Variants in MS4A4A observed in about 807,000 individuals in gnomAD.
MS4A4A encodes membrane spanning 4-domains A4A.
In MS4A4A, 26 loss-of-function variants were observed where a neutral mutation model predicts 28.0. The ratio of observed to expected loss-of-function variants is 0.93; its 90% CI spans 0.68 to 1.29. The LOEUF (loss-of-function observed/expected upper bound fraction) is 1.29, where lower values mean the gene tolerates loss of function less well. MS4A4A is among the 50% of genes most tolerant of loss of function. The probability of loss-of-function intolerance (pLI) is 0.00; values close to 1 mark genes in which losing one functional copy is unlikely to be tolerated. For synonymous variants in MS4A4A, 86 were observed against 100.8 expected, an observed-to-expected ratio of 0.85 and a Z score of 0.88; for missense variants, 290 against 293.1, an observed-to-expected ratio of 0.99 and a Z score of 0.08.
intron 5 of MS4A4A, among the ~76,000 whole-genome samples, chr11:60,303,429 AG>A (rs1389413487): frequency 6.6e-6 from 1 of 152,080 alleles, no homozygotes; most frequent in Non-Finnish European, 1.5e-5. Context: ...AAAGCCTGGC[AG>A]GGCGCAGTGG....
At chr11:60,306,424 C>A (rs527904772) in intron 6 of MS4A4A, among the ~76,000 whole-genome samples, 1 of 152,324 alleles carries the variant, frequency 6.6e-6, no homozygotes, top group African/African-American at 2.4e-5. Context: ...TTCTGATTCT[C>A]TTCCATACTA....
At chr11:60,291,892 A>G (rs887487748) in intron 1 of MS4A4A, among the ~76,000 whole-genome samples, 16 of 152,292 alleles carry the variant, frequency 1.1e-4, no homozygotes, top group African/African-American at 3.8e-4. Context: ...AGGGATAGAA[A>G]TAAAATCTGA....
chr11:60,298,427 A>G (rs1434013127), intron 3 of MS4A4A, among the ~76,000 whole-genome samples: 2 of 152,210 alleles, frequency 1.3e-5, no homozygotes, highest in African/African-American at 4.8e-5. Context: ...ATATCCAAAA[A>G]TACTGATGCC....
In MS4A4A at chr11:60,280,791, G is replaced by T. The variant is rs2084748892; in HGVS notation, c.41+75G>T. On this transcript the variant is annotated intron_variant, in intron 1 of 6. Transcript: ENST00000337908. ...CACTTCCTGGGTTAAGAATTTCTGG[G>T]AGGGGAATGAGAAGAATAATGAGGC... is the stretch of plus-strand genomic sequence containing the variant. 9.0e-6 allele frequency: 14 copies of T among 1,561,480 alleles called. No individual in the cohort carries two copies. In the South Asian group the frequency reaches 1.6e-4, roughly 18 times the overall value.
intron 1 of MS4A4A, among the ~76,000 whole-genome samples, chr11:60,291,411 A>T (rs2084854681): frequency 6.6e-6 from 1 of 152,184 alleles, no homozygotes; most frequent in Non-Finnish European, 1.5e-5. Context: ...AGCCCTGTGA[A>T]TTTAACTGTG....
chr11:60,295,017 T>A (rs897166121), intron 2 of MS4A4A, among the ~76,000 whole-genome samples: 9 of 151,844 alleles, frequency 5.9e-5, no homozygotes, highest in African/African-American at 2.2e-4. Flanking sequence ...TTTATCAATA[T>A]ATACAAAATA....
At position 60,292,340 on chromosome 11, in the gene MS4A4A, G is replaced by C. The variant is rs2084864872; in HGVS notation, c.157G>C (p.Gly53Arg). Residue 53 changes from glycine (G) to arginine (R), a missense_variant, in exon 2 of 7, where the codon GGA (glycine) becomes CGA (arginine). Gly to Arg is a moderately radical substitution (Grantham distance 125). Transcript: ENST00000337908. ...TGTCATACATTCACATCTGTGGAAA[G>C]GATTGCAAGAGAAGTTCTTGAAGGG... ...MAVIHSHLWK[G>R]LQEKFLKGEP... 6.2e-7 allele frequency: 1 copy of C among 1,607,886 alleles called. No homozygotes were observed. The highest frequency in any genetic ancestry group is 1.3e-5 in the African/African-American group (1 of 74,510).
chr11:60,301,929 G>A (rs1219161705), intron 4 of MS4A4A, among the ~76,000 whole-genome samples: 1 of 152,140 alleles, frequency 6.6e-6, no homozygotes. Flanking sequence ...ACAGGCATGT[G>A]CCACCACGCC....
intron 5 of MS4A4A, 191 bp from the exon 6 acceptor site, chr11:60,305,909 A>C: frequency 1.7e-6 from 1 of 576,436 alleles, no homozygotes; most frequent in Admixed American, 3.1e-5. Flanking sequence ...GTCTGTGATT[A>C]TTTTATCAGT....
At chr11:60,305,969 G>A in intron 5 of MS4A4A, 131 bp from the exon 6 acceptor site, 1 of 663,356 alleles carries the variant, frequency 1.5e-6, no homozygotes. Context: ...TCAAGGGTAT[G>A]GCTGCCATTG....
chr11:60,287,693 A>T (rs955388089), intron 1 of MS4A4A, among the ~76,000 whole-genome samples: 2 of 152,218 alleles, frequency 1.3e-5, no homozygotes, highest in African/African-American at 4.8e-5. Flanking sequence ...GCAGATATGG[A>T]TGAGACTCAA....
At chr11:60,286,330 G>A (rs1032249830) in intron 1 of MS4A4A, among the ~76,000 whole-genome samples, 5 of 152,122 alleles carry the variant, frequency 3.3e-5, no homozygotes, top group Admixed American at 1.3e-4. Context: ...CGAAGATGAC[G>A]GGATTAAGAA....
At chr11:60,304,605 T>TA (rs2084981702) in intron 5 of MS4A4A, among the ~76,000 whole-genome samples, 1 of 152,222 alleles carries the variant, frequency 6.6e-6, no homozygotes, top group Non-Finnish European at 1.5e-5. Flanking sequence ...ATGCTACCTT[T>TA]TTTTGGAGGC....
Position 60,301,064 on chromosome 11 carries a change from A to G in MS4A4A, c.387+7A>G. On this transcript the variant is annotated splice_region_variant and intron_variant, in intron 4 of 6. Coordinates refer to ENST00000337908, the MANE Select transcript of MS4A4A (RefSeq NM_148975.3). ...TAGAACTACAAAAGGCCTGGTGAGT[A>G]ATATTTTCTTTTTTTGGTATCAAAA... The G allele has an allele frequency of 6.3e-7, 1 of 1,580,624 alleles. No homozygotes were observed. The highest frequency in any genetic ancestry group is 8.6e-7 in the Non-Finnish European group (1 of 1,165,212).
In MS4A4A at chr11:60,289,653, G is replaced by T. The variant is rs185290918; in HGVS notation, c.42-2572G>T. ...TGATGATGAGGGTTAGGAACTTCTC[G>T]TTGGCCTTCTTGGTGACATTCTTTA... On this transcript the variant is annotated intron_variant, in intron 1 of 6. Coordinates refer to ENST00000337908, the MANE Select transcript of MS4A4A (RefSeq NM_148975.3). Among the ~76,000 whole-genome samples the T allele has an allele frequency of 4.7e-5, 7 of 149,480 alleles. No individual in the cohort carries two copies. In the East Asian group the frequency reaches 1.4e-3, roughly 30 times the overall value.
intron 1 of MS4A4A, chr11:60,282,686 T>C (rs1378785605): frequency 1.6e-6 from 2 of 1,285,434 alleles, no homozygotes; most frequent in African/African-American, 1.5e-5. Flanking sequence ...TGGAACAACT[T>C]AAATAAGTCA....
At chr11:60,293,804 T>C (rs1266614016) in intron 2 of MS4A4A, among the ~76,000 whole-genome samples, 2 of 152,190 alleles carry the variant, frequency 1.3e-5, no homozygotes, top group African/African-American at 4.8e-5. Flanking sequence ...GATAGCTCAT[T>C]TATTTTTAGT....
chr11:60,292,463 C>T (rs148934955), intron 2 of MS4A4A, 79 bp downstream of exon 2: 19 of 1,391,682 alleles, frequency 1.4e-5, no homozygotes, highest in Non-Finnish European at 1.8e-5. Context: ...TACACTGTCC[C>T]ACTAGCCTCA....
intron 5 of MS4A4A, among the ~76,000 whole-genome samples, chr11:60,303,257 T>C (rs548147812): frequency 5.1e-4 from 78 of 152,350 alleles, no homozygotes; most frequent in Admixed American, 3.7e-3. Flanking sequence ...GTTCTTATCT[T>C]AATGCTATCC....
Sources: allele counts gnomAD v4.1 joint callset (sites outside exome capture counted in the v4.1 genomes callset), GRCh38; gene constraint gnomAD v4.1.1; transcripts MANE v1.5; gene names NCBI Gene and HGNC (gene_info 2026-07-23, HGNC 2026-07-21).